Variants in CPNE4 observed in about 807,000 individuals in gnomAD.
The protein encoded by CPNE4 is copine 4.
In CPNE4, 25 loss-of-function variants were observed where a neutral mutation model predicts 67.9. That is an observed-to-expected ratio of 0.37 (90% CI 0.27 to 0.51). The LOEUF (loss-of-function observed/expected upper bound fraction) is 0.51, where lower values mean the gene tolerates loss of function less well. Ranked by LOEUF, CPNE4 falls within the 20% of genes least tolerant of loss-of-function variation. The probability of loss-of-function intolerance (pLI) is 0.93; values close to 1 mark genes in which losing one functional copy is unlikely to be tolerated. For missense variants in CPNE4, 464 were observed against 690.8 expected, an observed-to-expected ratio of 0.67 and a Z score of 3.68; for synonymous variants, 242 against 244.9, an observed-to-expected ratio of 0.99 and a Z score of 0.11.
intron 3 of CPNE4, among the ~76,000 whole-genome samples, chr3:131,708,687 C>T (rs78486468): frequency 0.074 from 11,281 of 151,688 alleles, 943 homozygotes; most frequent in East Asian, 0.28. Flanking sequence ...CTGGGGATGG[C>T]GAAGGCTCTG....
chr3:131,951,537 T>TC (rs1426251007), intron 1 of CPNE4, among the ~76,000 whole-genome samples: 2 of 151,942 alleles, frequency 1.3e-5, no homozygotes, highest in Non-Finnish European at 2.9e-5. Flanking sequence ...CTTCACCCTC[T>TC]CCCCACAGTC....
intron 2 of CPNE4, among the ~76,000 whole-genome samples, chr3:131,872,000 T>C (rs761603317): frequency 1.3e-5 from 2 of 152,114 alleles, no homozygotes; most frequent in Non-Finnish European, 2.9e-5. Flanking sequence ...TCTTATACCA[T>C]GACACTGACA....
At position 131,701,030 on chromosome 3, in the gene CPNE4, T is replaced by A. The variant is rs1007771703; in HGVS notation, c.361-1050A>T. Among the ~76,000 whole-genome samples the A allele has an allele frequency of 7.1e-5, 10 of 139,936 alleles. No individual in the cohort carries two copies. In the Admixed American group the frequency reaches 7.9e-4, roughly 11 times the overall value. 91.8% of individuals were successfully genotyped at this position (139,936 alleles called of 152,430 possible). A position where few individuals can be genotyped will look rare whatever the true frequency, so the allele number is the denominator to read the frequency against. ...AACACTGCATGTTCTCACTCATAGG[T>A]GGGAATTGAACAATGAGAACACTTG... On this transcript the variant is annotated intron_variant, in intron 3 of 15. Coordinates refer to ENST00000429747, the MANE Select transcript of CPNE4 (RefSeq NM_130808.3).
intron 2 of CPNE4, among the ~76,000 whole-genome samples, chr3:131,806,126 T>C (rs886946924): frequency 3.9e-5 from 6 of 152,264 alleles, no homozygotes; most frequent in Admixed American, 2.6e-4. Context: ...AAACTTTATC[T>C]GAGTCTTCCT....
chr3:131,904,039 G>A (rs1560572350), intron 2 of CPNE4, among the ~76,000 whole-genome samples: 1 of 152,184 alleles, frequency 6.6e-6, no homozygotes, highest in East Asian at 1.9e-4. Flanking sequence ...TCTTAACAAC[G>A]TGGGGGCCCA....
intron 2 of CPNE4, among the ~76,000 whole-genome samples, chr3:131,850,213 C>T (rs994453038): frequency 5.3e-5 from 8 of 151,892 alleles, no homozygotes; most frequent in South Asian, 2.1e-4. Context: ...TAAAATAGTG[C>T]CTTCTCTTTC....
At chr3:131,939,012 C>T (rs1026069929) in intron 1 of CPNE4, among the ~76,000 whole-genome samples, 1 of 152,218 alleles carries the variant, frequency 6.6e-6, no homozygotes. Flanking sequence ...GGAGAATGGG[C>T]ACTCTCTTGC....
chr3:131,561,662 A>G (rs895071101), intron 11 of CPNE4, among the ~76,000 whole-genome samples: 1 of 152,074 alleles, frequency 6.6e-6, no homozygotes, highest in Non-Finnish European at 1.5e-5. Flanking sequence ...TCTAAGGCTC[A>G]TGGGGATTAG....
At chr3:131,819,258 C>A (rs970598899) in intron 2 of CPNE4, among the ~76,000 whole-genome samples, 1 of 152,098 alleles carries the variant, frequency 6.6e-6, no homozygotes, top group South Asian at 2.1e-4. Flanking sequence ...GGAAATCACT[C>A]TGCTTTATCT....
chr3:131,707,989 C>T (rs922566560), intron 3 of CPNE4, among the ~76,000 whole-genome samples: 3 of 152,174 alleles, frequency 2.0e-5, no homozygotes, highest in African/African-American at 7.2e-5. Flanking sequence ...AAGATCCCAG[C>T]ATCAGGCATA....
chr3:131,727,053 T>G (rs1380502494), intron 2 of CPNE4, among the ~76,000 whole-genome samples: 1 of 152,234 alleles, frequency 6.6e-6, no homozygotes, highest in Non-Finnish European at 1.5e-5. Context: ...TTTTAAAATT[T>G]GATTCTTATG....
At chr3:131,853,003 TC>T (rs1172623403) in intron 2 of CPNE4, among the ~76,000 whole-genome samples, 2 of 151,766 alleles carry the variant, frequency 1.3e-5, no homozygotes, top group African/African-American at 4.8e-5. Flanking sequence ...ATGTCAATTT[TC>T]CCCACGTTGA....
chr3:131,794,369 T>C (rs1368066583), intron 2 of CPNE4, among the ~76,000 whole-genome samples: 1 of 152,010 alleles, frequency 6.6e-6, no homozygotes, highest in Non-Finnish European at 1.5e-5. Flanking sequence ...CTCAGCCTCC[T>C]GAGTAGTTGG....
chr3:131,960,418 CA>C (rs1304347899), intron 1 of CPNE4, among the ~76,000 whole-genome samples: 2 of 151,922 alleles, frequency 1.3e-5, no homozygotes, highest in Non-Finnish European at 2.9e-5. Flanking sequence ...TAAAGTTAAT[CA>C]GAGAAGAAGG....
chr3:131,876,786 G>C (rs1378434327), intron 2 of CPNE4, among the ~76,000 whole-genome samples: 1 of 152,182 alleles, frequency 6.6e-6, no homozygotes, highest in Non-Finnish European at 1.5e-5. Context: ...CTAATGAAGT[G>C]TGAGTACATC....
intron 7 of CPNE4, among the ~76,000 whole-genome samples, chr3:131,622,688 C>T (rs575721548): frequency 1.3e-5 from 2 of 152,252 alleles, no homozygotes; most frequent in Admixed American, 1.3e-4. Flanking sequence ...TATGTATATG[C>T]ACAGTGGGGA....
At chr3:131,776,675 T>C (rs960262089) in intron 2 of CPNE4, among the ~76,000 whole-genome samples, 3 of 152,092 alleles carry the variant, frequency 2.0e-5, no homozygotes, top group African/African-American at 7.2e-5. Context: ...TTGGAAACAA[T>C]CAGCATCTCC....
intron 7 of CPNE4, among the ~76,000 whole-genome samples, chr3:131,616,482 C>T (rs7638539): frequency 0.14 from 20,969 of 152,146 alleles, 2,106 homozygotes; most frequent in African/African-American, 0.28. Flanking sequence ...TGAATTCTTG[C>T]AAAATCTTCC....
intron 2 of CPNE4, among the ~76,000 whole-genome samples, chr3:131,770,043 C>T (rs1458983124): frequency 6.6e-6 from 1 of 152,106 alleles, no homozygotes; most frequent in Admixed American, 6.6e-5. Flanking sequence ...CTTGAAACGA[C>T]CTCAAGTTCT....
Sources: allele counts gnomAD v4.1 joint callset (sites outside exome capture counted in the v4.1 genomes callset), GRCh38; gene constraint gnomAD v4.1.1; transcripts MANE v1.5; gene names NCBI Gene and HGNC (gene_info 2026-07-23, HGNC 2026-07-21).